ADGRG2: variants seen among roughly 807,000 people sequenced by gnomAD.
ADGRG2 encodes the protein adhesion G protein-coupled receptor G2, also known as G protein-coupled receptor 64.
In ADGRG2, 26 loss-of-function variants were observed where a neutral mutation model predicts 74.1. That is an observed-to-expected ratio of 0.35 (90% CI 0.26 to 0.49). The LOEUF is 0.49. Ranked by LOEUF, ADGRG2 falls within the 20% of genes least tolerant of loss-of-function variation. The probability of loss-of-function intolerance (pLI) is 0.99; values close to 1 mark genes in which losing one functional copy is unlikely to be tolerated. For missense variants in ADGRG2, 619 were observed against 763.1 expected, an observed-to-expected ratio of 0.81 and a Z score of 2.22; for synonymous variants, 296 against 295.2, an observed-to-expected ratio of 1.00 and a Z score of -0.03.
chrX:19,106,220 T>A (rs1295759004), intron 1 of ADGRG2, among the ~76,000 whole-genome samples: 1 of 110,704 alleles, frequency 9.0e-6, no homozygotes, highest in Non-Finnish European at 1.9e-5. Flanking sequence ...TGAAGGCTGC[T>A]CCTGGGGTGG....
At chrX:19,076,167 C>T (rs1177851090) in intron 2 of ADGRG2, among the ~76,000 whole-genome samples, 4 of 112,054 alleles carry the variant, frequency 3.6e-5, no homozygotes, top group Non-Finnish European at 7.5e-5. Flanking sequence ...GTACGTACAC[C>T]TGCAGCATGG....
At position 19,042,458 on chromosome X, in the gene ADGRG2, C is replaced by T. The variant is rs141489574; in HGVS notation, c.119-2234G>A. ...ACATTGCTTCACTGACAATTTTGCCCGGTGGATGGCCATAGTTCCAACCTT... is the reference window on the plus strand; with the variant it reads ...ACATTGCTTCACTGACAATTTTGCCTGGTGGATGGCCATAGTTCCAACCTT... On this transcript the variant is annotated intron_variant, in intron 3 of 28. Coordinates refer to ENST00000379869, the MANE Select transcript of ADGRG2 (RefSeq NM_001079858.3). Among the ~76,000 whole-genome samples, 157 of 111,140 alleles carry T rather than the reference C, an allele frequency of 1.4e-3. 1 individual carries two copies. The highest frequency in any genetic ancestry group is 2.1e-3 in the Non-Finnish European group (113 of 52,961).
chrX:18,991,054 T>C lies in ADGRG2; in HGVS notation c.2870-6A>G, dbSNP rs1224180437. The C allele has an allele frequency of 2.7e-6, 3 of 1,131,151 alleles. No homozygotes were observed. Among genetic ancestry groups the C allele is most frequent in the Non-Finnish European group, 3.6e-6 (3 of 842,205 alleles). The allele number at this position is 1,131,151 out of a possible 1,213,427, so 93.2% of individuals were successfully genotyped here. ...CCTCTCTGTAGAAGCATTTCCTGTA[T>C]AAGGAAACACAAAGCGGGTGGCATG... On this transcript the variant is annotated splice_polypyrimidine_tract_variant and splice_region_variant and intron_variant, in intron 28 of 28. Coordinates refer to ENST00000379869, the MANE Select transcript of ADGRG2 (RefSeq NM_001079858.3).
At chrX:19,105,489 A>G (rs1043077241) in intron 1 of ADGRG2, among the ~76,000 whole-genome samples, 2 of 110,808 alleles carry the variant, frequency 1.8e-5, no homozygotes, top group African/African-American at 6.6e-5. Context: ...ACAGAAAACC[A>G]AACACCACAT....
intron 26 of ADGRG2, among the ~76,000 whole-genome samples, chrX:18,998,266 C>A (rs1229306842): frequency 9.0e-6 from 1 of 111,575 alleles, no homozygotes; most frequent in Non-Finnish European, 1.9e-5. Context: ...TGGTGAGCTC[C>A]CACAGGCACA....
rs1468766954 is a variant in ADGRG2 at position 19,009,717 on chromosome X, G to A, written c.1331C>T (p.Thr444Ile). 2.5e-6 allele frequency: 3 copies of A among 1,200,450 alleles called. No homozygotes were observed. Among genetic ancestry groups the A allele is most frequent in the Middle Eastern group, 2.3e-4 (1 of 4,353 alleles). Reference protein sequence around the residue: ...LNFSNTTISLTSPSLALAVIR... With the variant: ...LNFSNTTISLISPSLALAVIR... ...CACAGCCAGAGCCAAAGAAGGGGAGGTTAGACTTATAGTCGTGTTTGAAAA... is the reference window on the plus strand; with the variant it reads ...CACAGCCAGAGCCAAAGAAGGGGAGATTAGACTTATAGTCGTGTTTGAAAA... Residue 444 changes from threonine to isoleucine, a missense_variant, in exon 18 of 29, where the codon ACC (threonine) becomes ATC (isoleucine). Coordinates refer to ENST00000379869, the MANE Select transcript of ADGRG2 (RefSeq NM_001079858.3).
chrX:19,068,980 T>C, intron 2 of ADGRG2, 145 bp from the exon 3 acceptor site: 1 of 343,148 alleles, frequency 2.9e-6, no homozygotes, highest in Non-Finnish European at 5.2e-6. Flanking sequence ...GAAACGCCAG[T>C]TGGGCACTGG....
At chrX:19,102,562 G>T (rs886958893) in intron 1 of ADGRG2, among the ~76,000 whole-genome samples, 7 of 107,169 alleles carry the variant, frequency 6.5e-5, no homozygotes, top group East Asian at 3.0e-4. Flanking sequence ...CCAAGGAAAT[G>T]AATCTCTAAT....
intron 1 of ADGRG2, among the ~76,000 whole-genome samples, chrX:19,115,447 G>A (rs1056339198): frequency 4.5e-5 from 5 of 112,033 alleles, no homozygotes; most frequent in African/African-American, 9.7e-5. Flanking sequence ...TAAGGGAATG[G>A]ACCCTTCCTG....
intron 8 of ADGRG2, chrX:19,032,826 T>C (rs761071677): frequency 3.6e-5 from 4 of 112,201 alleles, no homozygotes; most frequent in African/African-American, 1.3e-4. Flanking sequence ...ATTTGGCCCA[T>C]TGGTGATAGT....
Position 19,019,596 on chromosome X carries a change from T to C in ADGRG2, c.710+3A>G. 2 of 951,888 alleles carry C rather than the reference T, an allele frequency of 2.1e-6. No homozygotes were observed. Among genetic ancestry groups the C allele is most frequent in the Non-Finnish European group, 3.0e-6 (2 of 662,854 alleles). 78.4% of individuals were successfully genotyped at this position (951,888 alleles called of 1,213,427 possible). A position where few individuals can be genotyped will look rare whatever the true frequency, so the allele number is the denominator to read the frequency against. On this transcript the variant is annotated splice_donor_region_variant and intron_variant, in intron 15 of 28. Coordinates refer to ENST00000379869, the MANE Select transcript of ADGRG2 (RefSeq NM_001079858.3). ...GAGAAGGGTCAGCATGTTTGTTACA[T>C]ACCACTGAAGCTTTTCCAACTCTTC...
Position 19,022,704 on chromosome X carries a change from A to AT in ADGRG2, c.548+711_548+712insA, listed in dbSNP as rs746616211. Among the ~76,000 whole-genome samples the AT allele has an allele frequency of 1.0e-3, 114 of 111,082 alleles. 1 individual carries two copies. Among genetic ancestry groups the AT allele is most frequent in the African/African-American group, 3.6e-3 (110 of 30,379 alleles). ...TGTTCTTTTCTCTTTCTTTAAAAAA[A>AT]ATTTTTTTTTCAGACAAAGTCTCAC... On this transcript the variant is annotated intron_variant, in intron 13 of 28. Coordinates refer to ENST00000379869, the MANE Select transcript of ADGRG2 (RefSeq NM_001079858.3).
intron 7 of ADGRG2, chrX:19,034,740 C>T (rs1369833374): frequency 9.0e-6 from 1 of 111,333 alleles, no homozygotes; most frequent in Admixed American, 9.5e-5. Context: ...CGAGACTATC[C>T]TGGCTAACAC....
chrX:19,011,915 CAAT>C (rs1247674953), intron 16 of ADGRG2, among the ~76,000 whole-genome samples: 2 of 112,048 alleles, frequency 1.8e-5, no homozygotes, highest in African/African-American at 3.2e-5. Context: ...AATAGGGAAA[CAAT>C]GATACAAACC....
intron 1 of ADGRG2, among the ~76,000 whole-genome samples, chrX:19,083,652 G>A (rs2061890945): frequency 8.9e-6 from 1 of 111,854 alleles, no homozygotes; most frequent in Admixed American, 9.5e-5. Flanking sequence ...GGAAAACTCA[G>A]ATGCACGCTG....
chrX:19,114,166 C>T (rs1253910686), intron 1 of ADGRG2, among the ~76,000 whole-genome samples: 1 of 108,852 alleles, frequency 9.2e-6, no homozygotes, highest in African/African-American at 3.3e-5. Context: ...AGTTTTTGAT[C>T]CATTAGGGGC....
chrX:19,023,600 C>T (rs940109294), intron 12 of ADGRG2, 147 bp from the exon 13 acceptor site: 16 of 432,555 alleles, frequency 3.7e-5, no homozygotes, highest in African/African-American at 3.5e-4. Context: ...ACCAGATTCC[C>T]GGCATATCAT....
At chrX:19,108,570 C>T (rs2062357621) in intron 1 of ADGRG2, among the ~76,000 whole-genome samples, 1 of 112,166 alleles carries the variant, frequency 8.9e-6, no homozygotes, top group Non-Finnish European at 1.9e-5. Context: ...AATCATGCAA[C>T]GGAATATTAT....
At chrX:19,063,234 G>GGT (rs1265121823) in intron 3 of ADGRG2, among the ~76,000 whole-genome samples, 1 of 111,640 alleles carries the variant, frequency 9.0e-6, no homozygotes, top group Non-Finnish European at 1.9e-5. Flanking sequence ...AGGCTTCCAG[G>GGT]GTGAAGCTAC....
Sources: gnomAD v4.1 joint callset for allele counts (sites outside exome capture counted in the v4.1 genomes callset) on GRCh38, gnomAD v4.1.1 for gene constraint, MANE v1.5 for transcripts, NCBI Gene and HGNC (gene_info 2026-07-23, HGNC 2026-07-21) for gene names.